Variants in PCDH15 observed in about 807,000 individuals in gnomAD.
PCDH15 encodes protocadherin-15.
Under a neutral mutation model 178.5 loss-of-function variants are expected in PCDH15, and 129 were observed. The ratio of observed to expected loss-of-function variants is 0.72; its 90% confidence interval spans 0.63 to 0.84. The LOEUF (loss-of-function observed/expected upper bound fraction) is 0.84. Ranked by LOEUF, PCDH15 falls within the 40% of genes least tolerant of loss-of-function variation. The pLI, the probability that PCDH15 is intolerant of heterozygous loss-of-function variation, is 0.00. For synonymous variants in PCDH15, 800 were observed against 732.0 expected (o/e 1.09, Z -1.50); for missense variants, 2,230 against 2,099.9 (o/e 1.06, Z -1.21).
chr10:54,493,322 C>A (rs187809016), intron 3 of PCDH15, among the ~76,000 whole-genome samples: 1 of 151,934 alleles, frequency 6.6e-6, no homozygotes, highest in Non-Finnish European at 1.5e-5. Context: ...TGGGGGCAAA[C>A]AAAACTCATA....
intron 13 of PCDH15, among the ~76,000 whole-genome samples, chr10:54,174,702 C>CTTTTTTT (rs1169302544): frequency 0.015 from 1,228 of 84,014 alleles, 24 homozygotes; most frequent in African/African-American, 0.017. Flanking sequence ...TTTTTCTTTT[C>CTTTTTTT]TTTTTTTTTT....
At chr10:54,260,395 T>TTA (rs2057227291) in intron 8 of PCDH15, among the ~76,000 whole-genome samples, 1 of 151,360 alleles carries the variant, frequency 6.6e-6, no homozygotes, top group Non-Finnish European at 1.5e-5. Flanking sequence ...TATGCTAGTT[T>TTA]AAAAAAATTT....
intron 1 of PCDH15, among the ~76,000 whole-genome samples, chr10:55,193,989 G>A (rs1177674674): frequency 2.0e-5 from 3 of 151,938 alleles, no homozygotes; most frequent in Non-Finnish European, 2.9e-5. Context: ...TTTGCTGCAT[G>A]TATGCTTCCA....
At chr10:54,727,391 A>C (rs11004506) in intron 1 of PCDH15, among the ~76,000 whole-genome samples, 18,430 of 151,406 alleles carry the variant, frequency 0.12, 1,250 homozygotes, top group African/African-American at 0.17. Flanking sequence ...ACAAGAAATT[A>C]TTTGAAACTA....
At chr10:54,773,971 A>G (rs1281804169) in intron 1 of PCDH15, among the ~76,000 whole-genome samples, 1 of 147,618 alleles carries the variant, frequency 6.8e-6, no homozygotes, top group Admixed American at 6.8e-5. Flanking sequence ...ACACTTCATA[A>G]AAGTCAAGTC....
At position 55,548,329 on chromosome 10, in the gene PCDH15, A is replaced by C. The variant is rs1841936818; in HGVS notation, c.-156+79296T>G. ...GGTTTGTTACACGCCAATATATAAC[A>C]AACAGACATAATGGCAAGAAGAAAA... is the stretch of plus-strand genomic sequence containing the variant. On this transcript the variant is annotated intron_variant, in intron 2 of 5. Coordinates refer to the PCDH15 transcript ENST00000613346. 3.3e-5 allele frequency among the ~76,000 whole-genome samples: 5 copies of C among 152,212 alleles called. No homozygotes were observed. The South Asian group carries it at 1.0e-3, about 32-fold the overall frequency.
At chr10:55,571,345 G>T (rs567634881) in intron 2 of PCDH15, among the ~76,000 whole-genome samples, 1 of 152,116 alleles carries the variant, frequency 6.6e-6, no homozygotes, top group East Asian at 1.9e-4. Flanking sequence ...TATAAATTAT[G>T]CAGTCTCAGG....
chr10:55,463,063 T>C (rs995698216), intron 2 of PCDH15, among the ~76,000 whole-genome samples: 2 of 148,582 alleles, frequency 1.3e-5, no homozygotes, highest in African/African-American at 5.0e-5. Context: ...TGATTGCAAT[T>C]GAAAATAAAA....
chr10:54,657,644 G>T (rs1010489325), intron 2 of PCDH15, among the ~76,000 whole-genome samples: 3 of 152,024 alleles, frequency 2.0e-5, no homozygotes, highest in African/African-American at 7.2e-5. Context: ...CACACTGAAA[G>T]CACCCCAAAA....
intron 3 of PCDH15, among the ~76,000 whole-genome samples, chr10:54,839,281 A>G (rs1953375376): frequency 6.6e-6 from 1 of 152,166 alleles, no homozygotes; most frequent in Non-Finnish European, 1.5e-5. Flanking sequence ...AGAAAAAACA[A>G]TCCATAAGAA....
chr10:53,883,373 G>C (rs2080869692), intron 26 of PCDH15, among the ~76,000 whole-genome samples: 2 of 152,062 alleles, frequency 1.3e-5, no homozygotes. Context: ...ATATCATAAT[G>C]ATCAGGTAAA....
chr10:55,138,556 C>T (rs1410793842), intron 2 of PCDH15, among the ~76,000 whole-genome samples: 1 of 152,060 alleles, frequency 6.6e-6, no homozygotes, highest in Non-Finnish European at 1.5e-5. Context: ...ATCCTTCATT[C>T]GGGAGTCAAT....
chr10:55,065,633 AAG>A (rs1014213236), intron 2 of PCDH15, among the ~76,000 whole-genome samples: 1 of 152,080 alleles, frequency 6.6e-6, no homozygotes, highest in Non-Finnish European at 1.5e-5. Flanking sequence ...CAGCATCTAG[AAG>A]AGCTCCTAGA....
At chr10:54,991,189 A>T (rs547290029) in intron 2 of PCDH15, among the ~76,000 whole-genome samples, 35 of 152,254 alleles carry the variant, frequency 2.3e-4, no homozygotes, top group African/African-American at 8.2e-4. Context: ...AATAGTATTG[A>T]CCACTGTCTT....
chr10:55,245,051 C>G (rs1480607296), intron 1 of PCDH15, among the ~76,000 whole-genome samples: 2 of 152,040 alleles, frequency 1.3e-5, no homozygotes, highest in East Asian at 3.9e-4. Context: ...TGAGAAGTTA[C>G]TCATGCAAAA....
chr10:54,405,508 G>T (rs888846888), intron 3 of PCDH15, among the ~76,000 whole-genome samples: 1 of 151,918 alleles, frequency 6.6e-6, no homozygotes, highest in South Asian at 2.1e-4. Flanking sequence ...ACATAGAGGG[G>T]AACAAAACAC....
At chr10:54,356,270 G>T (rs542074743) in intron 5 of PCDH15, among the ~76,000 whole-genome samples, 3 of 151,966 alleles carry the variant, frequency 2.0e-5, no homozygotes, top group African/African-American at 4.8e-5. Context: ...AAAATATCAG[G>T]TGAATTAAAA....
chr10:54,236,568 G>A (rs1215112890), intron 9 of PCDH15, among the ~76,000 whole-genome samples: 2 of 151,988 alleles, frequency 1.3e-5, no homozygotes, highest in Admixed American at 6.6e-5. Context: ...TAATATGTAG[G>A]TTAATTTCCT....
At chr10:55,071,883 T>G (rs1224017711) in intron 2 of PCDH15, among the ~76,000 whole-genome samples, 2 of 151,956 alleles carry the variant, frequency 1.3e-5, no homozygotes, top group Non-Finnish European at 2.9e-5. Flanking sequence ...AGAACAGAAA[T>G]TATAACAAAC....
Sources: gnomAD v4.1 joint callset for allele counts (sites outside exome capture counted in the v4.1 genomes callset) on GRCh38, gnomAD v4.1.1 for gene constraint, MANE v1.5 for transcripts, NCBI Gene and HGNC (gene_info 2026-07-23, HGNC 2026-07-21) for gene names.